SLC60A2: variants seen among roughly 807,000 people sequenced by gnomAD.
The protein encoded by SLC60A2 is solute carrier family 60 member 2.
the SLC60A2 span, chr6:111,266,827 G>A: frequency 6.2e-7 from 1 of 1,613,948 alleles, no homozygotes; most frequent in Non-Finnish European, 8.5e-7. Flanking sequence ...GACAGAAAGA[G>A]TGAGGACCAG....
chr6:111,262,218 ATG>A, the SLC60A2 span: 1 of 1,547,716 alleles, frequency 6.5e-7, no homozygotes, highest in Non-Finnish European at 8.9e-7. Context: ...CATTATTTTA[ATG>A]ATTATAAGTA....
At chr6:111,260,750 G>A in the SLC60A2 span, among the ~76,000 whole-genome samples, 1 of 152,176 alleles carries the variant, frequency 6.6e-6, no homozygotes, top group Non-Finnish European at 1.5e-5. Flanking sequence ...CGGTGGGGAG[G>A]GGTGAAGAAA....
chr6:111,267,135 C>T, the SLC60A2 span: 8 of 1,576,358 alleles, frequency 5.1e-6, no homozygotes, highest in Non-Finnish European at 6.0e-6. Flanking sequence ...ATGGATTACT[C>T]ACTGACATCT....
chr6:111,262,573 G>T, the SLC60A2 span: 1 of 709,874 alleles, frequency 1.4e-6, no homozygotes, highest in South Asian at 1.8e-5. Flanking sequence ...AGTTTCCCTG[G>T]TACCTGCTTT....
chr6:111,264,094 C>T, the SLC60A2 span: 7 of 530,582 alleles, frequency 1.3e-5, no homozygotes, highest in African/African-American at 7.7e-5. Context: ...AATCACCCTT[C>T]TAGCAGCTAT....
chr6:111,278,547 C>T, the SLC60A2 span: 3 of 152,022 alleles, frequency 2.0e-5, no homozygotes, highest in Admixed American at 1.3e-4. Flanking sequence ...AAGTCTTTCC[C>T]GTGCTGTTCT....
the SLC60A2 span, among the ~76,000 whole-genome samples, chr6:111,264,202 A>C: frequency 6.6e-6 from 1 of 152,230 alleles, no homozygotes; most frequent in Admixed American, 6.5e-5. Flanking sequence ...TTGTCCAAAC[A>C]GGGAAGGGCC....
chr6:111,260,710 A>T, the SLC60A2 span, among the ~76,000 whole-genome samples: 1 of 152,040 alleles, frequency 6.6e-6, no homozygotes, highest in African/African-American at 2.4e-5. Flanking sequence ...TCTGAGCCAC[A>T]GTTGTTTCTT....
At chr6:111,271,516 T>C in the SLC60A2 span, among the ~76,000 whole-genome samples, 1 of 151,876 alleles carries the variant, frequency 6.6e-6, no homozygotes, top group Admixed American at 6.6e-5. Context: ...ATTTTGTGTC[T>C]AAAGTATATT....
the SLC60A2 span, among the ~76,000 whole-genome samples, chr6:111,264,736 A>G: frequency 1.4e-5 from 2 of 147,682 alleles, no homozygotes; most frequent in Non-Finnish European, 3.0e-5. Context: ...TGCAGTGAGC[A>G]GAGATCACAC....
chr6:111,268,840 G>A, the SLC60A2 span: 11 of 152,200 alleles, frequency 7.2e-5, no homozygotes, highest in African/African-American at 2.4e-4. Flanking sequence ...CAGTTAGAAG[G>A]TGACTGGGTA....
At chr6:111,261,708 C>T in the SLC60A2 span, among the ~76,000 whole-genome samples, 1 of 152,150 alleles carries the variant, frequency 6.6e-6, no homozygotes, top group Non-Finnish European at 1.5e-5. Flanking sequence ...ATTCTCCTGC[C>T]TCAGCCTCCC....
At chr6:111,264,857 G>A in the SLC60A2 span, among the ~76,000 whole-genome samples, 1 of 151,846 alleles carries the variant, frequency 6.6e-6, no homozygotes, top group Admixed American at 6.6e-5. Context: ...ACTTTGGGAG[G>A]CTGTGTCGGG....
the SLC60A2 span, chr6:111,262,303 C>G: frequency 6.2e-7 from 1 of 1,614,094 alleles, no homozygotes; most frequent in Admixed American, 1.7e-5. Flanking sequence ...GATTTGGCAA[C>G]AAACGTGAAC....
At chr6:111,270,928 T>C in the SLC60A2 span, 1 of 152,058 alleles carries the variant, frequency 6.6e-6, no homozygotes, top group Non-Finnish European at 1.5e-5. Context: ...ACAGCTAGTA[T>C]GGGGATGGAA....
At chr6:111,260,014 G>T in the SLC60A2 span, among the ~76,000 whole-genome samples, 1 of 150,272 alleles carries the variant, frequency 6.7e-6, no homozygotes, top group Non-Finnish European at 1.5e-5. Context: ...GGGTTCAAGC[G>T]ATTCTCCTGC....
At chr6:111,276,966 G>A in the SLC60A2 span, among the ~76,000 whole-genome samples, 14 of 152,328 alleles carry the variant, frequency 9.2e-5, no homozygotes, top group East Asian at 9.6e-4. Context: ...GATTCCGGAG[G>A]AAACCTGTTT....
the SLC60A2 span, among the ~76,000 whole-genome samples, chr6:111,261,039 A>G: frequency 6.6e-6 from 1 of 152,238 alleles, no homozygotes; most frequent in African/African-American, 2.4e-5. Context: ...TAAATGTCCA[A>G]TGAATTTCCT....
chr6:111,262,509 C>T, the SLC60A2 span: 1 of 1,335,070 alleles, frequency 7.5e-7, no homozygotes, highest in Non-Finnish European at 1.1e-6. Context: ...TACTAGCATG[C>T]AGAATGGTTG....
Sources: gnomAD v4.1 joint callset for allele counts (sites outside exome capture counted in the v4.1 genomes callset) on GRCh38, gnomAD v4.1.1 for gene constraint, MANE v1.5 for transcripts, NCBI Gene and HGNC (gene_info 2026-07-23, HGNC 2026-07-21) for gene names.